SLC8A3: variants seen among roughly 807,000 people sequenced by gnomAD.
SLC8A3 encodes the protein solute carrier family 8 member A3.
In SLC8A3, 37 loss-of-function variants were observed where a neutral mutation model predicts 65.4. The ratio of observed to expected loss-of-function variants is 0.57; its 90% CI spans 0.44 to 0.74. The LOEUF (loss-of-function observed/expected upper bound fraction) is 0.74. SLC8A3 is among the 30% of genes least tolerant of loss of function. The pLI is 0.00. For synonymous variants in SLC8A3, 461 were observed against 444.5 expected (o/e 1.04, Z -0.47); for missense variants, 1,112 against 1,172.1 (o/e 0.95, Z 0.75).
In SLC8A3 at chr14:70,044,640, T is replaced by A. The variant is rs537124319; in HGVS notation, c.*1307A>T. ...CCCATAGGCTGGAAAAATAGCTTCA[T>A]GAAGTTTAAGAACAAGCAGGAACAT... On this transcript the variant is annotated 3_prime_UTR_variant, in exon 7 of 7. Transcript: ENST00000356921. 3 of 152,212 alleles carry A rather than the reference T, an allele frequency of 2.0e-5. No homozygotes were observed. Among genetic ancestry groups the A allele is most frequent in the Admixed American group, 6.5e-5 (1 of 15,290 alleles). 9.4% of individuals were successfully genotyped at this position (152,212 alleles called of 1,614,324 possible). A position where few individuals can be genotyped will look rare whatever the true frequency, so the allele number is the denominator to read the frequency against.
intron 2 of SLC8A3, among the ~76,000 whole-genome samples, chr14:70,161,118 G>A (rs962615748): frequency 4.2e-5 from 6 of 142,986 alleles, no homozygotes; most frequent in African/African-American, 1.6e-4. Flanking sequence ...GCCGGACGTG[G>A]TGGTATATAT....
intron 2 of SLC8A3, among the ~76,000 whole-genome samples, chr14:70,129,380 C>A (rs930297684): frequency 6.6e-6 from 1 of 152,182 alleles, no homozygotes; most frequent in African/African-American, 2.4e-5. Context: ...GTAGTAGCTA[C>A]TATTCCTGTG....
intron 2 of SLC8A3, among the ~76,000 whole-genome samples, chr14:70,147,256 C>T (rs1040581605): frequency 6.6e-6 from 1 of 152,130 alleles, no homozygotes; most frequent in Admixed American, 6.5e-5. Context: ...ACTTTTCCAG[C>T]CTATTCTATC....
chr14:70,124,140 C>T lies in SLC8A3; in HGVS notation c.1784+42499G>A, dbSNP rs145225316. Among the ~76,000 whole-genome samples, 58 of 152,248 alleles carry T rather than the reference C, an allele frequency of 3.8e-4. No homozygotes were observed. In the East Asian group the frequency reaches 0.011, roughly 28 times the overall value. ...GAGACCACTGAGACAAATCAAAAGC[C>T]TTGCCTACTCGATTTCCATTTCAGT... On this transcript the variant is annotated intron_variant, in intron 2 of 6. Transcript: ENST00000356921.
Position 70,100,103 on chromosome 14 carries a change from T to A in SLC8A3, c.1785-39164A>T, listed in dbSNP as rs189830082. Among the ~76,000 whole-genome samples the A allele has an allele frequency of 2.1e-3, 321 of 152,358 alleles. 2 individuals carry two copies. Among genetic ancestry groups the A allele is most frequent in the African/African-American group, 7.4e-3 (306 of 41,588 alleles). ...TGTTCTCCTCTTCATCTTTTATAAATGACTGGATAAATAAATGAGTTCAAA... is the reference window on the plus strand; with the variant it reads ...TGTTCTCCTCTTCATCTTTTATAAAAGACTGGATAAATAAATGAGTTCAAA... On this transcript the variant is annotated intron_variant, in intron 2 of 6. Coordinates refer to ENST00000356921, the MANE Select transcript of SLC8A3 (RefSeq NM_182932.3).
intron 2 of SLC8A3, among the ~76,000 whole-genome samples, chr14:70,083,792 T>G (rs1214475635): frequency 6.6e-6 from 1 of 152,188 alleles, no homozygotes; most frequent in Admixed American, 6.5e-5. Context: ...CAGCTTAGGC[T>G]CATGTCTTCA....
intron 1 of SLC8A3, among the ~76,000 whole-genome samples, chr14:70,187,603 G>C (rs1216154774): frequency 1.4e-5 from 1 of 69,492 alleles, no homozygotes; most frequent in African/African-American, 6.5e-5. Flanking sequence ...CTTTGACTGT[G>C]TGTGTGTGTG....
At chr14:70,075,210 G>C (rs1171088752) in intron 2 of SLC8A3, among the ~76,000 whole-genome samples, 2 of 152,042 alleles carry the variant, frequency 1.3e-5, no homozygotes, top group Non-Finnish European at 2.9e-5. Flanking sequence ...ACCCTCCAGA[G>C]CTAACCCCTT....
At chr14:70,186,121 C>T (rs934777367) in intron 1 of SLC8A3, among the ~76,000 whole-genome samples, 7 of 152,294 alleles carry the variant, frequency 4.6e-5, no homozygotes, top group African/African-American at 1.4e-4. Context: ...CCCCATGCTG[C>T]TGTTCTTGTG....
chr14:70,097,093 T>C (rs1892228182), intron 2 of SLC8A3, among the ~76,000 whole-genome samples: 1 of 151,990 alleles, frequency 6.6e-6, no homozygotes, highest in Admixed American at 6.6e-5. Flanking sequence ...CCTGACAGTG[T>C]GAAGGCAGGA....
chr14:70,177,803 G>C (rs1352118243), intron 1 of SLC8A3, among the ~76,000 whole-genome samples: 2 of 152,198 alleles, frequency 1.3e-5, no homozygotes, highest in Non-Finnish European at 2.9e-5. Context: ...TCATAGGAGG[G>C]ACAAGATCAA....
At chr14:70,103,640 AT>A (rs1892672836) in intron 2 of SLC8A3, among the ~76,000 whole-genome samples, 1 of 152,082 alleles carries the variant, frequency 6.6e-6, no homozygotes, top group African/African-American at 2.4e-5. Flanking sequence ...ACAATAAAAA[AT>A]AATACAAAGA....
chr14:70,166,017 G>A (rs1289963952), intron 2 of SLC8A3, among the ~76,000 whole-genome samples: 1 of 152,162 alleles, frequency 6.6e-6, no homozygotes, highest in African/African-American at 2.4e-5. Context: ...CAACTAGGCT[G>A]GGCAAGCCTC....
intron 3 of SLC8A3, among the ~76,000 whole-genome samples, chr14:70,056,721 T>A (rs1448090164): frequency 6.6e-6 from 1 of 152,212 alleles, no homozygotes; most frequent in Non-Finnish European, 1.5e-5. Context: ...TCAGGTATTC[T>A]GGAACAGAGA....
chr14:70,169,595 C>T (rs368493876), intron 1 of SLC8A3, among the ~76,000 whole-genome samples: 1 of 143,716 alleles, frequency 7.0e-6, no homozygotes, highest in Non-Finnish European at 1.5e-5. Flanking sequence ...GGATGAAATG[C>T]AATTGAAACT....
At chr14:70,130,640 T>C (rs1894762977) in intron 2 of SLC8A3, among the ~76,000 whole-genome samples, 1 of 152,162 alleles carries the variant, frequency 6.6e-6, no homozygotes, top group African/African-American at 2.4e-5. Context: ...TGAACACTCA[T>C]AATACAAAGG....
chr14:70,154,430 G>A (rs2140317428), intron 2 of SLC8A3, among the ~76,000 whole-genome samples: 2 of 152,280 alleles, frequency 1.3e-5, no homozygotes, highest in Middle Eastern at 3.4e-3. Context: ...ACTCTTAGAG[G>A]TTCTTAACAA....
chr14:70,063,634 G>A (rs916154015), intron 2 of SLC8A3, among the ~76,000 whole-genome samples: 2 of 152,186 alleles, frequency 1.3e-5, no homozygotes, highest in Admixed American at 6.5e-5. Context: ...GGACAGAGCT[G>A]GGGGCAGAGA....
At chr14:70,095,736 A>T (rs1221364215) in intron 2 of SLC8A3, among the ~76,000 whole-genome samples, 2 of 152,212 alleles carry the variant, frequency 1.3e-5, no homozygotes. Context: ...GAGGGAAATG[A>T]GACAGAGGTG....
Sources: allele counts gnomAD v4.1 joint callset (sites outside exome capture counted in the v4.1 genomes callset), GRCh38; gene constraint gnomAD v4.1.1; transcripts MANE v1.5; gene names NCBI Gene and HGNC (gene_info 2026-07-23, HGNC 2026-07-21).